The following ZNF207 variants were observed in gnomAD, a reference collection of about 807,000 sequenced individuals.
The protein encoded by ZNF207 is zinc finger protein 207.
Under a neutral mutation model 60.2 loss-of-function variants are expected in ZNF207, and 24 were observed. That is an observed-to-expected ratio of 0.40 (90% CI 0.29 to 0.56). The LOEUF is 0.56. ZNF207 is among the 20% of genes least tolerant of loss of function. The pLI, the probability that ZNF207 is intolerant of heterozygous loss-of-function variation, is 0.49. For missense variants in ZNF207, 452 were observed against 636.6 expected (o/e 0.71, Z 3.12); for synonymous variants, 236 against 194.7 (o/e 1.21, Z -1.77).
intron 5 of ZNF207, 124 bp downstream of exon 5, chr17:32,361,091 A>G (rs1201323773): frequency 3.2e-6 from 3 of 948,616 alleles, no homozygotes; most frequent in African/African-American, 1.7e-5. Context: ...GGCTCTATAT[A>G]TCTTGTCTAA....
rs1054617985 is a variant in ZNF207 at position 32,369,213 on chromosome 17, T to C, written c.1165-82T>C. 26 of 1,499,008 alleles carry C rather than the reference T, an allele frequency of 1.7e-5. No individual in the cohort carries two copies. In the Admixed American group the frequency reaches 5.1e-4, roughly 29 times the overall value. 92.9% of individuals were successfully genotyped at this position (1,499,008 alleles called of 1,614,324 possible). A position where few individuals can be genotyped will look rare whatever the true frequency, so the allele number is the denominator to read the frequency against. On this transcript the variant is annotated intron_variant, in intron 10 of 11. Transcript: ENST00000394670. ...AATTTTTGAAAATTACTCTTAACGTTGTAAGATTTTAGATGCATGCCTTTA... is the reference window on the plus strand; with the variant it reads ...AATTTTTGAAAATTACTCTTAACGTCGTAAGATTTTAGATGCATGCCTTTA...
chr17:32,361,215 A>G, intron 5 of ZNF207: 2 of 580,428 alleles, frequency 3.4e-6, no homozygotes, highest in Non-Finnish European at 6.0e-6. Context: ...TACTGTGATT[A>G]AAGTAGTTGG....
intron 6 of ZNF207, among the ~76,000 whole-genome samples, chr17:32,362,236 G>A (rs1904930148): frequency 6.6e-6 from 1 of 152,040 alleles, no homozygotes; most frequent in Non-Finnish European, 1.5e-5. Context: ...GCTTACTGCA[G>A]CCTTGACCTC....
intron 10 of ZNF207, chr17:32,368,287 C>T: frequency 2.3e-6 from 1 of 432,494 alleles, no homozygotes; most frequent in African/African-American, 2.0e-5. Flanking sequence ...TCTTAAAAAT[C>T]ATTTTAGTTA....
At chr17:32,351,966 A>G in intron 2 of ZNF207, 54 bp downstream of exon 2, 2 of 1,464,858 alleles carry the variant, frequency 1.4e-6, no homozygotes, top group Non-Finnish European at 1.8e-6. Flanking sequence ...AAACAACTTG[A>G]AAGAATAATC....
rs1226240328 is a variant in ZNF207, at chr17:32,378,497, A to G, written c.*8738A>G. 2 of 151,872 alleles carry G rather than the reference A, an allele frequency of 1.3e-5. No homozygotes were observed. Among genetic ancestry groups the G allele is most frequent in the African/African-American group, 4.8e-5 (2 of 41,376 alleles). 9.4% of individuals were successfully genotyped at this position (151,872 alleles called of 1,614,324 possible). On this transcript the variant is annotated 3_prime_UTR_variant, in exon 12 of 12. Coordinates refer to ENST00000394670, the MANE Select transcript of ZNF207 (RefSeq NM_001098507.2). ...CACTTGTAAATACAAGTACTCCTCT[A>G]TTTTTGTTCTTTTTTTGTAAACTAT...
chr17:32,378,094 A>T lies in ZNF207; in HGVS notation c.*8335A>T, dbSNP rs1905740851. 6.6e-6 allele frequency: 1 copy of T among 152,220 alleles called. No homozygotes were observed. Among genetic ancestry groups the T allele is most frequent in the African/African-American group, 2.4e-5 (1 of 41,218 alleles). 9.4% of individuals were successfully genotyped at this position (152,220 alleles called of 1,614,324 possible). A position where few individuals can be genotyped will look rare whatever the true frequency, so the allele number is the denominator to read the frequency against. Reference sequence around the variant, plus strand: ...TAAATGTTAGTATAACTAATAATAGATCCATTGGACACTTTAAACACTCAG... The same window carrying T: ...TAAATGTTAGTATAACTAATAATAGTTCCATTGGACACTTTAAACACTCAG... On this transcript the variant is annotated 3_prime_UTR_variant, in exon 12 of 12. Transcript: ENST00000394670.
At chr17:32,352,580 C>T (rs1311605252) in intron 2 of ZNF207, among the ~76,000 whole-genome samples, 1 of 152,192 alleles carries the variant, frequency 6.6e-6, no homozygotes, top group Admixed American at 6.5e-5. Flanking sequence ...AGAATTAATA[C>T]TTAATTAGCA....
chr17:32,369,131 G>C, intron 10 of ZNF207, 164 bp from the exon 11 acceptor site: 1 of 656,914 alleles, frequency 1.5e-6, no homozygotes, highest in Non-Finnish European at 2.5e-6. Flanking sequence ...GGTATCTAGA[G>C]TTTAAGTAGT....
chr17:32,351,965 G>C (rs978707134), intron 2 of ZNF207, 53 bp downstream of exon 2: 1 of 1,463,148 alleles, frequency 6.8e-7, no homozygotes, highest in African/African-American at 1.4e-5. Context: ...GAAACAACTT[G>C]AAAGAATAAT....
chr17:32,358,676 ATTTTTTTTAATT>A (rs1904684804), intron 3 of ZNF207, 35 bp downstream of exon 3: 1 of 1,332,098 alleles, frequency 7.5e-7, no homozygotes, highest in Non-Finnish European at 9.7e-7. Flanking sequence ...TTATTTATTT[ATTTTTTTTAATT>A]TTTTTTTTTT....
At chr17:32,365,278 C>A in intron 7 of ZNF207, 52 bp from the exon 8 acceptor site, 1 of 1,560,680 alleles carries the variant, frequency 6.4e-7, no homozygotes, top group East Asian at 2.3e-5. Context: ...GCGTTTTTTT[C>A]CACACTAAAT....
At chr17:32,361,016 CT>C (rs1479710031) in intron 5 of ZNF207, 49 bp downstream of exon 5, 4 of 1,579,456 alleles carry the variant, frequency 2.5e-6, no homozygotes, top group Middle Eastern at 2.3e-4. Context: ...TAGTAATGAT[CT>C]TTTTCAATTT....
rs1033792844 is a variant in ZNF207, at chr17:32,372,619, A to G, written c.*2860A>G. ...CTCATGAGTTCCTGAGTTTGTAGCTATAGGCTCAGAGGTGGTGTACCCATT... is the reference window on the plus strand; with the variant it reads ...CTCATGAGTTCCTGAGTTTGTAGCTGTAGGCTCAGAGGTGGTGTACCCATT... On this transcript the variant is annotated 3_prime_UTR_variant, in exon 12 of 12. Coordinates refer to ENST00000394670, the MANE Select transcript of ZNF207 (RefSeq NM_001098507.2). 9.2e-5 allele frequency: 14 copies of G among 152,212 alleles called. No homozygotes were observed. Among genetic ancestry groups the G allele is most frequent in the African/African-American group, 2.2e-4 (9 of 41,458 alleles). 9.4% of individuals were successfully genotyped at this position (152,212 alleles called of 1,614,324 possible).
intron 3 of ZNF207, among the ~76,000 whole-genome samples, chr17:32,360,383 T>C (rs997405594): frequency 2.0e-5 from 3 of 152,076 alleles, no homozygotes; most frequent in African/African-American, 7.2e-5. Flanking sequence ...TTTAGGATAA[T>C]CATTTTACCT....
intron 3 of ZNF207, among the ~76,000 whole-genome samples, chr17:32,358,892 C>T (rs934998481): frequency 6.6e-6 from 1 of 151,702 alleles, no homozygotes; most frequent in East Asian, 1.9e-4. Context: ...CTCTGCTTCC[C>T]AGGTTCAAGC....
intron 7 of ZNF207, among the ~76,000 whole-genome samples, chr17:32,363,570 CG>C (rs1905008063): frequency 1.2e-5 from 1 of 84,460 alleles, no homozygotes; most frequent in African/African-American, 4.4e-5. Context: ...GATGGAATCT[CG>C]CTCTGTCACC....
At chr17:32,360,566 A>C (rs187479607) in intron 3 of ZNF207, 32 bp from the exon 4 acceptor site, 1 of 1,560,756 alleles carries the variant, frequency 6.4e-7, no homozygotes, top group South Asian at 1.2e-5. Context: ...CTTAGTTTTT[A>C]CTCTATGGAA....
intron 6 of ZNF207, 114 bp downstream of exon 6, chr17:32,361,629 A>G: frequency 1.1e-6 from 1 of 938,374 alleles, no homozygotes; most frequent in Non-Finnish European, 1.5e-6. Flanking sequence ...AACCTTCCTC[A>G]CTAAAACTTG....
Sources: gnomAD v4.1 joint callset for allele counts (sites outside exome capture counted in the v4.1 genomes callset) on GRCh38, gnomAD v4.1.1 for gene constraint, MANE v1.5 for transcripts, NCBI Gene and HGNC (gene_info 2026-07-23, HGNC 2026-07-21) for gene names.